The following PRKD1 variants were observed in gnomAD, a reference collection of about 807,000 sequenced individuals.
PRKD1 encodes the protein protein kinase D1.
Under a neutral mutation model 95.9 loss-of-function variants are expected in PRKD1, and 63 were observed. The observed-to-expected ratio is 0.66, with a 90% confidence interval of 0.54 to 0.81. PRKD1 has a LOEUF of 0.81. Ranked by LOEUF, PRKD1 falls within the 30% of genes least tolerant of loss-of-function variation. The probability of loss-of-function intolerance (pLI) is 0.00; values close to 1 mark genes in which losing one functional copy is unlikely to be tolerated. For synonymous variants in PRKD1, 425 were observed against 423.1 expected, an observed-to-expected ratio of 1.00 and a Z score of -0.05; for missense variants, 1,048 against 1,165.3, an observed-to-expected ratio of 0.90 and a Z score of 1.47.
At chr14:29,774,624 A>C (rs756257067) in intron 1 of PRKD1, among the ~76,000 whole-genome samples, 3 of 152,230 alleles carry the variant, frequency 2.0e-5, no homozygotes, top group Non-Finnish European at 4.4e-5. Flanking sequence ...AATTTGGGAC[A>C]CAAGTAGTTG....
At chr14:29,687,319 C>T (rs1022160209) in intron 2 of PRKD1, among the ~76,000 whole-genome samples, 1 of 152,218 alleles carries the variant, frequency 6.6e-6, no homozygotes, top group South Asian at 2.1e-4. Flanking sequence ...CAGCTGAAAC[C>T]AGGAATCTTC....
At chr14:29,821,234 T>C (rs369282138) in intron 1 of PRKD1, among the ~76,000 whole-genome samples, 2 of 152,154 alleles carry the variant, frequency 1.3e-5, no homozygotes, top group Admixed American at 6.5e-5. Flanking sequence ...CTAAGGTAGA[T>C]TGTGTAGATT....
chr14:29,709,736 T>C (rs970147263), intron 2 of PRKD1, among the ~76,000 whole-genome samples: 2 of 152,156 alleles, frequency 1.3e-5, no homozygotes, highest in African/African-American at 2.4e-5. Flanking sequence ...AAAATTTCCC[T>C]AGTCATTCTT....
At chr14:29,605,835 T>C (rs892193652) in intron 13 of PRKD1, among the ~76,000 whole-genome samples, 2 of 152,238 alleles carry the variant, frequency 1.3e-5, no homozygotes, top group Admixed American at 6.5e-5. Flanking sequence ...TTAGATATGC[T>C]AGTACGTGTT....
intron 1 of PRKD1, among the ~76,000 whole-genome samples, chr14:29,803,856 C>T (rs528013265): frequency 6.6e-6 from 1 of 152,266 alleles, no homozygotes; most frequent in South Asian, 2.1e-4. Context: ...ATTCAAAATG[C>T]CTAAACCCAA....
chr14:29,667,728 C>A (rs150532904), intron 2 of PRKD1, among the ~76,000 whole-genome samples: 69 of 152,260 alleles, frequency 4.5e-4, no homozygotes, highest in Middle Eastern at 3.4e-3. Flanking sequence ...CCCAAAATCA[C>A]CCCTCCAGAC....
chr14:29,638,959 A>G, intron 4 of PRKD1, 55 bp from the exon 5 acceptor site: 2 of 1,323,366 alleles, frequency 1.5e-6, no homozygotes, highest in South Asian at 1.3e-5. Context: ...TTTGATTTAT[A>G]TATTTATATA....
Position 29,654,223 on chromosome 14 carries a change from G to A in PRKD1, c.696+9476C>T, listed in dbSNP as rs374559249. Among the ~76,000 whole-genome samples the A allele has an allele frequency of 3.9e-5, 6 of 152,066 alleles. No individual in the cohort carries two copies. In the South Asian group the frequency reaches 6.2e-4, roughly 16 times the overall value. ...GTCTCATTCTATCACCCAGGCTGGA[G>A]TGCAGTGGCATGATCTTGGCCCAAT... On this transcript the variant is annotated intron_variant, in intron 4 of 17. Transcript: ENST00000331968.
At chr14:29,756,069 C>A (rs1224943725) in intron 1 of PRKD1, among the ~76,000 whole-genome samples, 2 of 152,080 alleles carry the variant, frequency 1.3e-5, no homozygotes, top group Non-Finnish European at 2.9e-5. Flanking sequence ...ATAGTCATAT[C>A]TATATCTATA....
At chr14:29,855,280 G>T (rs1343701464) in intron 1 of PRKD1, among the ~76,000 whole-genome samples, 5 of 152,194 alleles carry the variant, frequency 3.3e-5, no homozygotes, top group African/African-American at 1.2e-4. Flanking sequence ...AAGCCATAGG[G>T]ACGGAGCTGC....
chr14:29,606,342 A>C (rs1893704843), intron 13 of PRKD1, among the ~76,000 whole-genome samples: 1 of 152,100 alleles, frequency 6.6e-6, no homozygotes, highest in Non-Finnish European at 1.5e-5. Context: ...AATACTAATA[A>C]TATGGATGTG....
At chr14:29,664,104 G>A (rs1444678993) in intron 3 of PRKD1, among the ~76,000 whole-genome samples, 1 of 152,066 alleles carries the variant, frequency 6.6e-6, no homozygotes, top group Non-Finnish European at 1.5e-5. Flanking sequence ...AATGTTCTGT[G>A]ATATAACAGT....
intron 1 of PRKD1, among the ~76,000 whole-genome samples, chr14:29,877,074 C>T (rs962907082): frequency 2.0e-5 from 3 of 152,126 alleles, no homozygotes; most frequent in Non-Finnish European, 4.4e-5. Flanking sequence ...ATTGCTTGAG[C>T]CCAGGAGGCA....
chr14:29,903,524 G>C (rs1894392888), intron 1 of PRKD1, among the ~76,000 whole-genome samples: 1 of 152,138 alleles, frequency 6.6e-6, no homozygotes. Flanking sequence ...TAACATATAA[G>C]AGAACTGTAA....
At chr14:29,756,464 T>C (rs1887701413) in intron 1 of PRKD1, among the ~76,000 whole-genome samples, 1 of 152,200 alleles carries the variant, frequency 6.6e-6, no homozygotes, top group African/African-American at 2.4e-5. Flanking sequence ...ATTTAATAGT[T>C]CATCTCTACA....
rs763303273 is a variant in PRKD1 at position 29,599,828 on chromosome 14, T to C, written c.1906-11A>G. The C allele has an allele frequency of 1.9e-6, 3 of 1,597,312 alleles. No individual in the cohort carries two copies. The highest frequency in any genetic ancestry group is 2.7e-5 in the African/African-American group (2 of 73,964). On this transcript the variant is annotated splice_polypyrimidine_tract_variant and intron_variant, in intron 13 of 17. Transcript: ENST00000331968. ...AGGGTGATGAAGGTTCTATTAAAGA[T>C]AAATAAAGCACTTGAAGAAAATGAG...
rs371715963 is a variant in PRKD1, at chr14:29,751,926, G to A, written c.265-26252C>T. 3.3e-5 allele frequency among the ~76,000 whole-genome samples: 5 copies of A among 152,192 alleles called. No individual in the cohort carries two copies. In the East Asian group the frequency reaches 5.8e-4, roughly 18 times the overall value. ...CACATGTGTACACACAAATAAATGG[G>A]GATATTTTCTTCCAGTATTCAAAGT... On this transcript the variant is annotated intron_variant, in intron 1 of 17. Transcript: ENST00000331968.
chr14:29,618,860 C>T (rs1879052244), intron 13 of PRKD1, among the ~76,000 whole-genome samples: 3 of 151,764 alleles, frequency 2.0e-5, no homozygotes, highest in South Asian at 4.2e-4. Flanking sequence ...AGCTCAGGTG[C>T]TTTTTCCCAA....
intron 2 of PRKD1, among the ~76,000 whole-genome samples, chr14:29,679,969 G>C (rs1267644914): frequency 6.6e-6 from 1 of 152,066 alleles, no homozygotes; most frequent in Non-Finnish European, 1.5e-5. Context: ...GTGGAATAAG[G>C]CTCAGAAGAA....
Sources: allele counts gnomAD v4.1 joint callset (sites outside exome capture counted in the v4.1 genomes callset), GRCh38; gene constraint gnomAD v4.1.1; transcripts MANE v1.5; gene names NCBI Gene and HGNC (gene_info 2026-07-23, HGNC 2026-07-21).